The following SPACA9 variants were observed in gnomAD, a reference collection of about 807,000 sequenced individuals.
The protein encoded by SPACA9 is sperm acrosome associated 9.
A neutral mutation model predicts 12.5 loss-of-function variants in SPACA9; 14 were observed. The observed-to-expected ratio is 1.12, with a 90% CI of 0.74 to 1.75. SPACA9 has a LOEUF of 1.75. SPACA9 is among the 40% of genes most tolerant of loss of function. The pLI, the probability that SPACA9 is intolerant of heterozygous loss-of-function variation, is 0.00. For missense variants in SPACA9, 292 were observed against 291.9 expected, an observed-to-expected ratio of 1.00 and a Z score of 0.00; for synonymous variants, 111 against 114.1, an observed-to-expected ratio of 0.97 and a Z score of 0.17.
downstream of SPACA9, chr9:132,890,159 G>C (rs1238094601): frequency 1.6e-5 from 8 of 488,980 alleles, no homozygotes; most frequent in Non-Finnish European, 2.6e-5. Context: ...AGGCAAGGGG[G>C]CATGCCTGTC....
At chr9:132,878,624 C>T, upstream of SPACA9, 1 of 1,051,568 alleles carries the variant, frequency 9.5e-7, no homozygotes, top group Non-Finnish European at 1.1e-6. The surrounding 1 kb of genome is among the most constrained non-coding windows in gnomAD (Gnocchi z 4.7). Flanking sequence ...GCTCCCCGGC[C>T]CGGCTCCCTG....
At chr9:132,878,501 C>T (rs1382420714), upstream of SPACA9, 2 of 1,202,434 alleles carry the variant, frequency 1.7e-6, no homozygotes, top group Non-Finnish European at 2.1e-6. The surrounding 1 kb of genome is among the most constrained non-coding windows in gnomAD (Gnocchi z 4.7). Flanking sequence ...GGGACACCCT[C>T]AGGTGGCTTC....
chr9:132,882,808 G>C (rs1464542490), intron 1 of SPACA9, among the ~76,000 whole-genome samples: 1 of 152,100 alleles, frequency 6.6e-6, no homozygotes, highest in East Asian at 1.9e-4. Flanking sequence ...CCTTTGTTCT[G>C]GAGGCAGTGG....
chr9:132,879,377 A>G (rs1188867229), intron 1 of SPACA9, among the ~76,000 whole-genome samples: 2 of 152,264 alleles, frequency 1.3e-5, no homozygotes, highest in South Asian at 2.1e-4. Context: ...GGCACAGTCA[A>G]TGCAGACAGC....
At chr9:132,879,784 C>A (rs557381374) in intron 1 of SPACA9, among the ~76,000 whole-genome samples, 1 of 152,338 alleles carries the variant, frequency 6.6e-6, no homozygotes, top group Non-Finnish European at 1.5e-5. Context: ...CAAACTCTCT[C>A]ATTTGACAGA....
intron 1 of SPACA9, among the ~76,000 whole-genome samples, chr9:132,879,639 G>A (rs1844328818): frequency 6.6e-6 from 1 of 152,210 alleles, no homozygotes. Context: ...ATGAGAAGTT[G>A]GAGGATTAGA....
intron 1 of SPACA9, among the ~76,000 whole-genome samples, chr9:132,883,032 G>C (rs373333407): frequency 1.6e-4 from 25 of 152,194 alleles, no homozygotes; most frequent in Middle Eastern, 3.4e-3. Context: ...CATTTTGCAC[G>C]CGCTCAGCAA....
chr9:132,883,581 T>C (rs746771004), intron 1 of SPACA9, among the ~76,000 whole-genome samples: 24 of 152,066 alleles, frequency 1.6e-4, no homozygotes, highest in African/African-American at 3.4e-4. Context: ...CGTGTGTGTG[T>C]GCGCGCGTGT....
Position 132,888,609 on chromosome 9 carries a change from T to C in SPACA9, c.667T>C (p.Ter223GlnextTer113). 6.5e-7 allele frequency: 1 copy of C among 1,528,708 alleles called. No individual in the cohort carries two copies. The highest frequency in any genetic ancestry group is 8.8e-7 in the Non-Finnish European group (1 of 1,135,532). 94.7% of individuals were successfully genotyped at this position (1,528,708 alleles called of 1,614,324 possible). A position where few individuals can be genotyped will look rare whatever the true frequency, so the allele number is the denominator to read the frequency against. ...CTGGAGGCCTCCTGGTGGGAAATTG[T>C]AACTCAGAGCCAGGAGCTCCGTCGG... ...PPWRPPGGKL[*>Q] The change falls in exon 4 of 4, where the codon TAA becomes CAA. Residue 223 changes from the stop codon to glutamine, a stop_lost. Transcript: ENST00000356311. The surrounding 1 kb of genome is among the most constrained non-coding windows in gnomAD (Gnocchi z 5.0).
intron 1 of SPACA9, among the ~76,000 whole-genome samples, chr9:132,879,351 T>G (rs1174038747): frequency 4.6e-5 from 7 of 152,176 alleles, no homozygotes; most frequent in Admixed American, 2.0e-4. Context: ...CTCTGTACCT[T>G]ATGGAGAGGG....
rs567260467 is a variant in SPACA9, at chr9:132,881,374, G to T, written c.-38+2360G>T. On this transcript the variant is annotated intron_variant, in intron 1 of 3. Coordinates refer to ENST00000356311, the MANE Select transcript of SPACA9 (RefSeq NM_001316897.2). ...TCCCAGCTACTCAAGAGGCTGAGGC[G>T]GGAGGATCACTTGAGCCCAGGAGGT... Among the ~76,000 whole-genome samples, 13 of 151,130 alleles carry T rather than the reference G, an allele frequency of 8.6e-5. No homozygotes were observed. The East Asian group carries it at 2.1e-3, about 25-fold the overall frequency.
chr9:132,880,642 C>T lies in SPACA9; in HGVS notation c.-38+1628C>T, dbSNP rs181716052. 5.3e-5 allele frequency among the ~76,000 whole-genome samples: 8 copies of T among 152,210 alleles called. No homozygotes were observed. In the East Asian group the frequency reaches 1.4e-3, roughly 26 times the overall value. On this transcript the variant is annotated intron_variant, in intron 1 of 3. Transcript: ENST00000356311. ...CTCAGCACAAAACTTAAGGGAGTGC[C>T]GGCAATTCAATCATTGAGGTGGATG...
chr9:132,878,691 T>C (rs370739400), upstream of SPACA9: 153 of 991,178 alleles, frequency 1.5e-4, 1 homozygote, highest in East Asian at 0.015. The surrounding 1 kb of genome is among the most constrained non-coding windows in gnomAD (Gnocchi z 4.7). Flanking sequence ...GGGAGGGTGT[T>C]TGAAGGGGGA....
At chr9:132,890,094 A>G, downstream of SPACA9, 1 of 1,094,040 alleles carries the variant, frequency 9.1e-7, no homozygotes, top group Non-Finnish European at 1.2e-6. Context: ...CCCCTAAGAC[A>G]TCAAAGGACA....
intron 2 of SPACA9, among the ~76,000 whole-genome samples, chr9:132,885,724 A>G (rs1844547310): frequency 6.6e-6 from 1 of 152,168 alleles, no homozygotes; most frequent in African/African-American, 2.4e-5. Context: ...TTTTTAGTCC[A>G]TCCTCCAGAA....
At chr9:132,881,271 A>G (rs1405622515) in intron 1 of SPACA9, among the ~76,000 whole-genome samples, 17 of 126,910 alleles carry the variant, frequency 1.3e-4, no homozygotes, top group East Asian at 5.1e-4. Flanking sequence ...ACAAAAAAAA[A>G]GAAAAAAAAA....
rs1844622402 is a variant in SPACA9, at chr9:132,888,151, CAG to C, written c.348-136_348-135del. On this transcript the variant is annotated intron_variant, in intron 3 of 3. Coordinates refer to ENST00000356311, the MANE Select transcript of SPACA9 (RefSeq NM_001316897.2). This position sits in a 1 kb window ranked among gnomAD's most constrained non-coding sequence, Gnocchi z 5.0. Reference sequence around the variant, plus strand: ...CCTGGTCTGCCAGAATCTCTGGGGACAGAGCGCCTCAGCGTGCTGTGTGTCCA... The same window carrying C: ...CCTGGTCTGCCAGAATCTCTGGGGACAGCGCCTCAGCGTGCTGTGTGTCCA... 1.4e-6 allele frequency: 2 copies of C among 1,380,424 alleles called. No individual in the cohort carries two copies. The highest frequency in any genetic ancestry group is 2.7e-5 in the Admixed American group (1 of 36,428). 85.5% of individuals were successfully genotyped at this position (1,380,424 alleles called of 1,614,324 possible).
chr9:132,886,859 T>C (rs1286356236), intron 2 of SPACA9, among the ~76,000 whole-genome samples: 1 of 152,168 alleles, frequency 6.6e-6, no homozygotes, highest in Non-Finnish European at 1.5e-5. Flanking sequence ...TTACCCAGGC[T>C]GGAGTGCAGT....
Position 132,887,305 on chromosome 9 carries a change from C to T in SPACA9, c.145-64C>T. ...TAGGGTGGGTGCTTCTGGACATTTG[C>T]ACCATAAGCCAGCCAGGACCCGGGT... On this transcript the variant is annotated intron_variant, in intron 2 of 3. Transcript: ENST00000356311. This position sits in a 1 kb window ranked among gnomAD's most constrained non-coding sequence, Gnocchi z 5.4. 6.8e-7 allele frequency: 1 copy of T among 1,473,466 alleles called. No individual in the cohort carries two copies. The highest frequency in any genetic ancestry group is 9.4e-7 in the Non-Finnish European group (1 of 1,067,730). 91.3% of individuals were successfully genotyped at this position (1,473,466 alleles called of 1,614,324 possible).
Sources: allele counts gnomAD v4.1 joint callset (sites outside exome capture counted in the v4.1 genomes callset), GRCh38; gene constraint gnomAD v4.1.1; non-coding constraint Gnocchi (gnomAD v3.1); transcripts MANE v1.5; gene names NCBI Gene and HGNC (gene_info 2026-07-23, HGNC 2026-07-21).